Variants in AFP observed in about 807,000 individuals in gnomAD.
AFP encodes alpha-fetoprotein.
AFP carries 64 observed loss-of-function variants against 78.9 expected under a neutral mutation model. The observed-to-expected ratio is 0.81, with a 90% CI of 0.66 to 1.00. The LOEUF is 1.00. Among genes scored for constraint, AFP ranks in the 50% least tolerant of loss-of-function variants. The pLI is 0.00. For missense variants in AFP, 689 were observed against 703.8 expected (o/e 0.98, Z 0.24); for synonymous variants, 254 against 243.8 (o/e 1.04, Z -0.39).
At chr4:73,454,407 G>T (rs953402092) in intron 13 of AFP, among the ~76,000 whole-genome samples, 3 of 151,884 alleles carry the variant, frequency 2.0e-5, no homozygotes, top group South Asian at 2.1e-4. Context: ...TTAACCAGGG[G>T]ATTCTACCTA....
At chr4:73,444,912 A>G (rs1306482311) in intron 6 of AFP, 81 bp from the exon 7 acceptor site, 2 of 1,209,602 alleles carry the variant, frequency 1.7e-6, no homozygotes, top group African/African-American at 1.5e-5. Flanking sequence ...TGAAACTTCT[A>G]CTGTAGTAAT....
At chr4:73,447,413 T>G in intron 7 of AFP, 49 bp from the exon 8 acceptor site, 1 of 1,411,628 alleles carries the variant, frequency 7.1e-7, no homozygotes, top group Non-Finnish European at 9.7e-7. Flanking sequence ...TGAGATCCTT[T>G]ATTAAAGAAT....
intron 4 of AFP, 39 bp downstream of exon 4, chr4:73,440,852 A>G: frequency 1.3e-6 from 2 of 1,568,872 alleles, no homozygotes; most frequent in South Asian, 2.3e-5. Flanking sequence ...AACCTCAGAA[A>G]CACAGCAATG....
chr4:73,455,149 A>G, intron 13 of AFP, 87 bp from the exon 14 acceptor site: 1 of 1,069,370 alleles, frequency 9.4e-7, no homozygotes, highest in East Asian at 2.4e-5. Context: ...CAAACCTATG[A>G]ATTCACCCCG....
At chr4:73,438,827 C>A (rs938389159) in intron 3 of AFP, among the ~76,000 whole-genome samples, 6 of 152,072 alleles carry the variant, frequency 3.9e-5, no homozygotes, top group African/African-American at 1.4e-4. Flanking sequence ...GGCAGGATAT[C>A]AGCTTTGCTT....
At chr4:73,442,940 C>A (rs1453353023) in intron 5 of AFP, among the ~76,000 whole-genome samples, 1 of 151,982 alleles carries the variant, frequency 6.6e-6, no homozygotes, top group Non-Finnish European at 1.5e-5. Flanking sequence ...TTGCTACCAG[C>A]AGTCCTATAA....
intron 14 of AFP, 67 bp downstream of exon 14, chr4:73,455,357 A>C: frequency 7.7e-7 from 1 of 1,302,960 alleles, no homozygotes; most frequent in Non-Finnish European, 1.1e-6. Flanking sequence ...CCATAATGAG[A>C]TAGATCATGA....
chr4:73,443,931 T>C (rs1577954432), intron 6 of AFP, among the ~76,000 whole-genome samples: 1 of 152,292 alleles, frequency 6.6e-6, no homozygotes, highest in Non-Finnish European at 1.5e-5. Context: ...TATTAGAATC[T>C]AGTGTCAGGA....
Position 73,455,228 on chromosome 4 carries a change from A to G in AFP, c.1786-8A>G, listed in dbSNP as rs549952226. The G allele has an allele frequency of 2.1e-5, 34 of 1,606,826 alleles. No homozygotes were observed. The highest frequency in any genetic ancestry group is 2.8e-5 in the Non-Finnish European group (33 of 1,173,912). ...CTTTATCTGATTATGTTTATTCTTA[A>G]TTTTCAGGGACAAAAACTGATTTCA... On this transcript the variant is annotated splice_polypyrimidine_tract_variant and splice_region_variant and intron_variant, in intron 13 of 14. Transcript: ENST00000395792.
rs1720118014 is a variant in AFP at position 73,455,124 on chromosome 4, A to T, written c.1786-112A>T. The T allele has an allele frequency of 3.5e-6, 3 of 857,554 alleles. No homozygotes were observed. In the African/African-American group the frequency reaches 5.0e-5, roughly 14 times the overall value. The allele number at this position is 857,554 out of a possible 1,614,324, so 53.1% of individuals were successfully genotyped here. A position where few individuals can be genotyped will look rare whatever the true frequency, so the allele number is the denominator to read the frequency against. On this transcript the variant is annotated intron_variant, in intron 13 of 14. Transcript: ENST00000395792. ...ATCAGAGATGTGTTTCTTCATTTTT[A>T]ACTTAGTTAATCTACAAACCTATGA...
At chr4:73,444,623 G>T (rs1577954739) in intron 6 of AFP, among the ~76,000 whole-genome samples, 1 of 151,940 alleles carries the variant, frequency 6.6e-6, no homozygotes, top group African/African-American at 2.4e-5. Flanking sequence ...AGTAAAAAAT[G>T]GTTCTCATTT....
chr4:73,443,477 A>G, intron 6 of AFP, 33 bp downstream of exon 6: 1 of 1,520,822 alleles, frequency 6.6e-7, no homozygotes, highest in African/African-American at 1.4e-5. Context: ...GAAGAGGGTG[A>G]GAGCTACAGA....
intron 3 of AFP, among the ~76,000 whole-genome samples, chr4:73,439,871 T>C (rs1010939993): frequency 2.6e-5 from 4 of 152,204 alleles, no homozygotes; most frequent in Admixed American, 2.0e-4. Flanking sequence ...TTTTTTATTG[T>C]CTTGTAAGGA....
rs777897812 is a variant in AFP, at chr4:73,443,416, A to C, written c.685A>C (p.Asn229His). ...TCAACATGCATGTGCAGTAATGAAA[A>C]ATTTTGGGACCCGAACTTTCCAAGC... The part of the protein sequence containing the change: ...LNQHACAVMK[N>H]FGTRTFQAIT... Residue 229 changes from asparagine to histidine, a missense_variant, in exon 6 of 15, where the codon AAT (asparagine) becomes CAT (histidine). Physicochemically the swap from Asn to His is moderately conservative, Grantham distance 68. Transcript: ENST00000395792. 2 of 1,613,342 alleles carry C rather than the reference A, an allele frequency of 1.2e-6. No homozygotes were observed. Among genetic ancestry groups the C allele is most frequent in the South Asian group, 2.2e-5 (2 of 91,048 alleles).
chr4:73,437,266 T>C lies in AFP; in HGVS notation c.137+55T>C, dbSNP rs1482982202. The C allele has an allele frequency of 5.5e-6, 8 of 1,452,174 alleles. No homozygotes were observed. The East Asian group carries it at 1.1e-4, about 21-fold the overall frequency. The allele number at this position is 1,452,174 out of a possible 1,614,324, so 90.0% of individuals were successfully genotyped here. On this transcript the variant is annotated intron_variant, in intron 2 of 14. Transcript: ENST00000395792. ...AATGTGTAAAGCAAGGATAAGTAAA[T>C]ACTTAAATAAAATTGGGTACCCCTG...
At chr4:73,455,093 G>A in intron 13 of AFP, 143 bp from the exon 14 acceptor site, 1 of 671,222 alleles carries the variant, frequency 1.5e-6, no homozygotes, top group Non-Finnish European at 2.6e-6. Context: ...ATCCCAGGTT[G>A]TTGGCATCAG....
At position 73,450,654 on chromosome 4, in the gene AFP, C is replaced by G. The variant is rs758495999; in HGVS notation, c.1329C>G (p.Thr443=). 6.2e-7 allele frequency: 1 copy of G among 1,614,166 alleles called. No homozygotes were observed. The highest frequency in any genetic ancestry group is 8.5e-7 in the Non-Finnish European group (1 of 1,180,024). Residue 443 remains threonine (T), a synonymous_variant, in exon 11 of 15, where the codon ACC becomes ACG. Transcript: ENST00000395792. Reference sequence around the variant, plus strand: ...ACACAAAGAAAGCCCCCCAGCTGACCTCGTCGGAGCTGATGGCCATCACCA... The same window carrying G: ...ACACAAAGAAAGCCCCCCAGCTGACGTCGTCGGAGCTGATGGCCATCACCA... ...VAYTKKAPQL[T]SSELMAITRK...
Position 73,438,315 on chromosome 4 carries a change from A to G in AFP, c.270+9A>G, listed in dbSNP as rs1165827524. On this transcript the variant is annotated intron_variant, in intron 3 of 14. Transcript: ENST00000395792. ...GGTGTTTAGAAAACCAGGTGAGTGA[A>G]TAATTTTAAAAAAGCATTGTGATAT... 1.2e-6 allele frequency: 2 copies of G among 1,608,204 alleles called. No individual in the cohort carries two copies. Among genetic ancestry groups the G allele is most frequent in the Non-Finnish European group, 1.7e-6 (2 of 1,176,282 alleles).
rs200600473 is a variant in AFP at position 73,452,505 on chromosome 4, C to T, written c.1533C>T (p.Cys511=). Residue 511 remains cysteine (C), a synonymous_variant, in exon 12 of 15, where the codon TGC becomes TGT. Coordinates refer to ENST00000395792, the MANE Select transcript of AFP (RefSeq NM_001134.3). ...CTSSYANRRP[C]FSSLVVDETY... ...CTTCATATGCCAACAGGAGGCCATGCTTCAGCAGCTTGGTGGTGGATGAAA... is the reference window on the plus strand; with the variant it reads ...CTTCATATGCCAACAGGAGGCCATGTTTCAGCAGCTTGGTGGTGGATGAAA... 2.3e-4 allele frequency: 377 copies of T among 1,613,996 alleles called. No individual in the cohort carries two copies. Among genetic ancestry groups the T allele is most frequent in the Non-Finnish European group, 3.1e-4 (366 of 1,179,990 alleles).
Sources: allele counts gnomAD v4.1 joint callset (sites outside exome capture counted in the v4.1 genomes callset), GRCh38; gene constraint gnomAD v4.1.1; transcripts MANE v1.5; gene names NCBI Gene and HGNC (gene_info 2026-07-23, HGNC 2026-07-21).